The following NKAIN3 variants were observed in gnomAD, a reference collection of about 807,000 sequenced individuals.
NKAIN3 encodes the protein sodium/potassium transporting ATPase interacting 3.
NKAIN3 carries 25 observed loss-of-function variants against 30.2 expected under a neutral mutation model. The observed-to-expected ratio is 0.83, with a 90% confidence interval of 0.60 to 1.16. NKAIN3 has a LOEUF of 1.16. Ranked by LOEUF, NKAIN3 falls within the 50% of genes most tolerant of loss-of-function variation. NKAIN3 has a pLI of 0.00. For missense variants in NKAIN3, 225 were observed against 254.1 expected (o/e 0.89, Z 0.78); for synonymous variants, 91 against 89.6 (o/e 1.02, Z -0.09).
chr8:62,343,236 T>G (rs926989357), intron 1 of NKAIN3, among the ~76,000 whole-genome samples: 6 of 152,014 alleles, frequency 3.9e-5, no homozygotes, highest in African/African-American at 1.4e-4. Context: ...TTGCCCTACC[T>G]GTTATGCAAA....
At chr8:62,498,960 A>G (rs1807329795) in intron 1 of NKAIN3, among the ~76,000 whole-genome samples, 1 of 152,166 alleles carries the variant, frequency 6.6e-6, no homozygotes, top group Non-Finnish European at 1.5e-5. Flanking sequence ...TAAGAGTATC[A>G]AGACTGACTC....
At chr8:62,717,466 C>T (rs1354963590) in intron 3 of NKAIN3, among the ~76,000 whole-genome samples, 2 of 149,376 alleles carry the variant, frequency 1.3e-5, no homozygotes, top group Admixed American at 6.7e-5. Flanking sequence ...AGTTGTGTGG[C>T]TTATTGTGTT....
At chr8:62,814,154 T>A (rs1266214429) in intron 4 of NKAIN3, among the ~76,000 whole-genome samples, 1 of 152,088 alleles carries the variant, frequency 6.6e-6, no homozygotes, top group African/African-American at 2.4e-5. Context: ...AAGAATCTTT[T>A]AGCTTCCTAT....
chr8:62,510,318 G>T (rs1043807144), intron 1 of NKAIN3, among the ~76,000 whole-genome samples: 1 of 152,142 alleles, frequency 6.6e-6, no homozygotes, highest in Non-Finnish European at 1.5e-5. Flanking sequence ...TATTTTGAAA[G>T]AATCCTGGAG....
At chr8:62,728,851 G>T (rs1201862559) in intron 3 of NKAIN3, among the ~76,000 whole-genome samples, 1 of 148,464 alleles carries the variant, frequency 6.7e-6, no homozygotes, top group Non-Finnish European at 1.5e-5. Flanking sequence ...TTAGCCAGGC[G>T]TGGTGGCGGG....
chr8:62,841,524 T>C (rs1054197209), intron 4 of NKAIN3, among the ~76,000 whole-genome samples: 6 of 152,122 alleles, frequency 3.9e-5, no homozygotes, highest in African/African-American at 1.4e-4. Flanking sequence ...CATTCTCCAC[T>C]TACATGGATG....
intron 4 of NKAIN3, chr8:62,863,259 A>G (rs749567313): frequency 6.4e-7 from 1 of 1,563,206 alleles, no homozygotes; most frequent in South Asian, 1.1e-5. Context: ...TTTTGTTTTT[A>G]GATATTTTTC....
intron 4 of NKAIN3, among the ~76,000 whole-genome samples, chr8:62,834,841 A>T (rs1009585046): frequency 3.3e-5 from 5 of 151,854 alleles, no homozygotes; most frequent in African/African-American, 1.2e-4. Context: ...ACTCTAAAAT[A>T]GTTTTTAGAG....
intron 3 of NKAIN3, among the ~76,000 whole-genome samples, chr8:62,714,386 T>C (rs1814822044): frequency 6.6e-6 from 1 of 152,036 alleles, no homozygotes; most frequent in African/African-American, 2.4e-5. Flanking sequence ...TCTTTGTATT[T>C]ATTTGATCTT....
intron 5 of NKAIN3, chr8:62,990,493 CT>C: frequency 2.0e-6 from 1 of 512,598 alleles, no homozygotes; most frequent in Non-Finnish European, 2.7e-6. Flanking sequence ...ATCTTAGCAT[CT>C]TACCTGGAAT....
intron 1 of NKAIN3, among the ~76,000 whole-genome samples, chr8:62,563,466 T>C (rs1460488678): frequency 6.6e-6 from 1 of 152,158 alleles, no homozygotes; most frequent in Non-Finnish European, 1.5e-5. Flanking sequence ...GCATGATTTA[T>C]TTTATATCTA....
In NKAIN3 at chr8:62,999,076, T is replaced by A. The variant is rs569291251; in HGVS notation, c.533-155T>A. ...TTTTTTAATTGGGTTATTGCTTTTC[T>A]TGTTGACTTGTTTGGGTTCCTTATA... On this transcript the variant is annotated intron_variant, in intron 5 of 5. Coordinates refer to the NKAIN3 transcript ENST00000519049. 2.6e-3 allele frequency among the ~76,000 whole-genome samples: 390 copies of A among 152,348 alleles called. 3 individuals are homozygous for A. Among genetic ancestry groups the A allele is most frequent in the African/African-American group, 8.8e-3 (367 of 41,578 alleles).
At position 62,650,469 on chromosome 8, in the gene NKAIN3, T is replaced by C. The variant is rs560462630; in HGVS notation, c.273+60675T>C. On this transcript the variant is annotated intron_variant, in intron 3 of 6. Coordinates refer to ENST00000623646, the MANE Select transcript of NKAIN3 (RefSeq NM_001304533.3). Reference sequence around the variant, plus strand: ...AAATACTCCTAGAGAATTTAATTTATGTTTTCTAAGGACACATTGTCTGCT... The same window carrying C: ...AAATACTCCTAGAGAATTTAATTTACGTTTTCTAAGGACACATTGTCTGCT... Among the ~76,000 whole-genome samples the C allele has an allele frequency of 1.7e-4, 26 of 152,318 alleles. No homozygotes were observed. In the South Asian group the frequency reaches 5.2e-3, roughly 30 times the overall value.
Position 62,886,476 on chromosome 8 carries a change from T to C in NKAIN3, c.472-31977T>C, listed in dbSNP as rs912708464. Among the ~76,000 whole-genome samples the C allele has an allele frequency of 3.5e-4, 53 of 152,170 alleles. 1 individual carries two copies. Among genetic ancestry groups the C allele is most frequent in the Admixed American group, 4.6e-4 (7 of 15,274 alleles). ...TTCTCTGATGCTCTTTCTTTCTTTA[T>C]GTGGATACAAGTTTCTCTAACCTAT... is the stretch of plus-strand genomic sequence containing the variant. On this transcript the variant is annotated intron_variant, in intron 4 of 6. Coordinates refer to ENST00000623646, the MANE Select transcript of NKAIN3 (RefSeq NM_001304533.3).
intron 3 of NKAIN3, among the ~76,000 whole-genome samples, chr8:62,660,047 GACTAATAT>G (rs1269232120): frequency 6.6e-6 from 1 of 152,058 alleles, no homozygotes; most frequent in East Asian, 1.9e-4. Flanking sequence ...TGTGAAAATG[GACTAATAT>G]ACTTGGTGAA....
chr8:62,616,715 C>A (rs535312638), intron 3 of NKAIN3, among the ~76,000 whole-genome samples: 22 of 152,272 alleles, frequency 1.4e-4, no homozygotes, highest in Admixed American at 1.3e-3. Flanking sequence ...CCTCCCACTT[C>A]AGGAGTGAGG....
At chr8:62,298,823 A>G (rs1241935729) in intron 1 of NKAIN3, among the ~76,000 whole-genome samples, 1 of 146,354 alleles carries the variant, frequency 6.8e-6, no homozygotes, top group Non-Finnish European at 1.5e-5. Flanking sequence ...ATAAATGTAT[A>G]CCATAATACA....
At chr8:62,836,726 T>A (rs914692744) in intron 4 of NKAIN3, among the ~76,000 whole-genome samples, 6 of 152,106 alleles carry the variant, frequency 3.9e-5, no homozygotes, top group African/African-American at 1.4e-4. Context: ...CATCCTGTTA[T>A]GCTTTGGCTC....
chr8:62,906,829 G>A (rs1467926786), intron 4 of NKAIN3, among the ~76,000 whole-genome samples: 4 of 152,116 alleles, frequency 2.6e-5, no homozygotes, highest in Non-Finnish European at 2.9e-5. Flanking sequence ...GCCCAGTATT[G>A]GGTTGTATGT....
Sources: allele counts gnomAD v4.1 joint callset (sites outside exome capture counted in the v4.1 genomes callset), GRCh38; gene constraint gnomAD v4.1.1; transcripts MANE v1.5; gene names NCBI Gene and HGNC (gene_info 2026-07-23, HGNC 2026-07-21).